SCMH1: variants seen among roughly 807,000 people sequenced by gnomAD.
The protein encoded by SCMH1 is polycomb protein SCMH1.
A neutral mutation model predicts 70.8 loss-of-function variants in SCMH1; 37 were observed. The observed-to-expected ratio is 0.52, with a 90% CI of 0.40 to 0.69. The LOEUF (loss-of-function observed/expected upper bound fraction) is 0.69. Among genes scored for constraint, SCMH1 ranks in the 30% least tolerant of loss-of-function variants. The probability of loss-of-function intolerance (pLI) is 0.00; values close to 1 mark genes in which losing one functional copy is unlikely to be tolerated. For missense variants in SCMH1, 607 were observed against 827.3 expected, an observed-to-expected ratio of 0.73 and a Z score of 3.27; for synonymous variants, 292 against 307.4, an observed-to-expected ratio of 0.95 and a Z score of 0.52.
intron 1 of SCMH1, among the ~76,000 whole-genome samples, chr1:41,203,620 A>G (rs1203029915): frequency 1.3e-5 from 2 of 152,242 alleles, no homozygotes; most frequent in African/African-American, 4.8e-5. Context: ...ACGCCCACGC[A>G]GGAAGGTTGT....
At chr1:41,165,418 G>A (rs1251756636) in intron 2 of SCMH1, among the ~76,000 whole-genome samples, 2 of 152,070 alleles carry the variant, frequency 1.3e-5, no homozygotes, top group East Asian at 3.8e-4. Context: ...TGGGATTGAT[G>A]CATCATATGG....
chr1:41,073,248 T>C (rs559689208), intron 9 of SCMH1, among the ~76,000 whole-genome samples: 2 of 152,262 alleles, frequency 1.3e-5, no homozygotes, highest in East Asian at 3.9e-4. Context: ...TTACTTCCAT[T>C]TTGGGATAGA....
At chr1:41,162,761 C>T (rs1646141374) in intron 2 of SCMH1, 1 of 152,174 alleles carries the variant, frequency 6.6e-6, no homozygotes, top group African/African-American at 2.4e-5. Flanking sequence ...TGAGTGAACA[C>T]TTGTTGGGAA....
At chr1:41,208,944 G>C (rs1656299361) in intron 1 of SCMH1, among the ~76,000 whole-genome samples, 1 of 152,054 alleles carries the variant, frequency 6.6e-6, no homozygotes, top group African/African-American at 2.4e-5. Flanking sequence ...TCCAGGAACT[G>C]GTTTTTTGAA....
At chr1:41,152,966 G>A (rs1400014345) in intron 4 of SCMH1, among the ~76,000 whole-genome samples, 1 of 152,184 alleles carries the variant, frequency 6.6e-6, no homozygotes, top group Non-Finnish European at 1.5e-5. Context: ...AGTCCATAGG[G>A]CAAATGAGAT....
chr1:41,142,737 T>C, intron 6 of SCMH1, 141 bp downstream of exon 6: 2 of 656,968 alleles, frequency 3.0e-6, no homozygotes, highest in Non-Finnish European at 2.6e-6. Context: ...GCTTGTTTCA[T>C]TTTGGGTGGG....
chr1:41,070,801 G>T, intron 9 of SCMH1, 80 bp from the exon 10 acceptor site: 1 of 1,518,300 alleles, frequency 6.6e-7, no homozygotes, highest in Non-Finnish European at 9.0e-7. Context: ...ATTCACTCAT[G>T]AAGCAAAAAT....
rs114447486 is a variant in SCMH1 at position 41,219,329 on chromosome 1, A to C, written c.-118+22730T>G. On this transcript the variant is annotated intron_variant, in intron 1 of 14. Coordinates refer to ENST00000337495, the Ensembl canonical transcript of SCMH1. Reference sequence around the variant, plus strand: ...GAACAGCACTTTCCTAAGTTCTGTGAGTTGTTCCAGTGAATTGTCAAACCT... The same window carrying C: ...GAACAGCACTTTCCTAAGTTCTGTGCGTTGTTCCAGTGAATTGTCAAACCT... Among the ~76,000 whole-genome samples the C allele has an allele frequency of 6.3e-3, 963 of 152,302 alleles. 3 individuals are homozygous for C. The highest frequency in any genetic ancestry group is 0.01 in the Non-Finnish European group (702 of 68,024).
intron 2 of SCMH1, among the ~76,000 whole-genome samples, chr1:41,182,550 C>T (rs1326733600): frequency 6.6e-6 from 1 of 151,912 alleles, no homozygotes; most frequent in Non-Finnish European, 1.5e-5. Flanking sequence ...GACCTCGTCT[C>T]TACAAAAAAA....
chr1:41,127,701 TGAA>T (rs1418017815), intron 6 of SCMH1, among the ~76,000 whole-genome samples: 1 of 152,194 alleles, frequency 6.6e-6, no homozygotes, highest in African/African-American at 2.4e-5. Flanking sequence ...TAGGAGATGA[TGAA>T]GGTTAAGTGA....
exon 6 of SCMH1, chr1:41,143,111 G>A (rs1378649710): frequency 1.2e-6 from 2 of 1,613,438 alleles, no homozygotes; most frequent in Non-Finnish European, 1.7e-6. Flanking sequence ...AGGTGTGTAG[G>A]ACTGGGAAAA....
chr1:41,160,525 C>T (rs1420154152), intron 4 of SCMH1, among the ~76,000 whole-genome samples: 1 of 152,068 alleles, frequency 6.6e-6, no homozygotes, highest in Non-Finnish European at 1.5e-5. Flanking sequence ...GGAAAAATCC[C>T]ACCAAACACT....
chr1:41,089,276 T>C (rs1470790865), intron 8 of SCMH1, among the ~76,000 whole-genome samples: 1 of 152,238 alleles, frequency 6.6e-6, no homozygotes, highest in Non-Finnish European at 1.5e-5. Flanking sequence ...GCATAGTATA[T>C]CTGCAACTGA....
At position 41,158,334 on chromosome 1, in the gene SCMH1, G is replaced by A. The variant is rs75055665; in HGVS notation, c.106+2541C>T. 4.4e-3 allele frequency among the ~76,000 whole-genome samples: 664 copies of A among 152,264 alleles called. 2 individuals carry two copies. Among genetic ancestry groups the A allele is most frequent in the Non-Finnish European group, 6.9e-3 (470 of 68,020 alleles). On this transcript the variant is annotated intron_variant, in intron 4 of 14. Transcript: ENST00000337495. ...TCTAGTGAGGGACAGAGACTAAACA[G>A]TCACCACTAAGATAATGTGATAAGT...
At chr1:41,045,244 T>G (rs868566784) in intron 12 of SCMH1, among the ~76,000 whole-genome samples, 1 of 151,964 alleles carries the variant, frequency 6.6e-6, no homozygotes, top group Non-Finnish European at 1.5e-5. Context: ...CTAGCATGGG[T>G]TAGGTGAGGA....
intron 1 of SCMH1, among the ~76,000 whole-genome samples, chr1:41,232,992 G>A (rs989054388): frequency 1.3e-5 from 2 of 152,154 alleles, no homozygotes; most frequent in African/African-American, 4.8e-5. Flanking sequence ...AGAGTCAAGA[G>A]AACCAGATTC....
At chr1:41,151,865 G>A (rs902179311) in intron 4 of SCMH1, among the ~76,000 whole-genome samples, 181 bp from the exon 5 acceptor site, 3 of 152,178 alleles carry the variant, frequency 2.0e-5, no homozygotes, top group African/African-American at 4.8e-5. Context: ...CTGAGCGGAT[G>A]TTTTAGATTC....
intron 8 of SCMH1, among the ~76,000 whole-genome samples, chr1:41,111,195 T>A (rs773557775): frequency 6.6e-6 from 1 of 152,228 alleles, no homozygotes; most frequent in Non-Finnish European, 1.5e-5. Flanking sequence ...GTGATTTTTT[T>A]AAAGTAAATC....
intron 1 of SCMH1, among the ~76,000 whole-genome samples, chr1:41,190,805 C>G (rs565453593): frequency 6.6e-6 from 1 of 152,140 alleles, no homozygotes; most frequent in African/African-American, 2.4e-5. Context: ...TTCTCTTCTG[C>G]GTCTCCATCT....
Sources: gnomAD v4.1 joint callset for allele counts (sites outside exome capture counted in the v4.1 genomes callset) on GRCh38, gnomAD v4.1.1 for gene constraint, MANE v1.5 for transcripts, NCBI Gene and HGNC (gene_info 2026-07-23, HGNC 2026-07-21) for gene names.